The following SULF2 variants were observed in gnomAD, a reference collection of about 807,000 sequenced individuals.
The protein encoded by SULF2 is extracellular sulfatase Sulf-2.
Under a neutral mutation model 107.7 loss-of-function variants are expected in SULF2, and 52 were observed. The ratio of observed to expected loss-of-function variants is 0.48; its 90% CI spans 0.39 to 0.61. The LOEUF (loss-of-function observed/expected upper bound fraction) is 0.61. Among genes scored for constraint, SULF2 ranks in the 20% least tolerant of loss-of-function variants. SULF2 has a pLI of 0.00. For missense variants in SULF2, 993 were observed against 1,177.3 expected (o/e 0.84, Z 2.29); for synonymous variants, 460 against 464.3 (o/e 0.99, Z 0.12).
At chr20:47,776,910 G>A (rs999732762) in intron 1 of SULF2, among the ~76,000 whole-genome samples, 2 of 152,164 alleles carry the variant, frequency 1.3e-5, no homozygotes, top group Non-Finnish European at 2.9e-5. Flanking sequence ...AGTCACCTTC[G>A]AGCAAACATG....
intron 14 of SULF2, among the ~76,000 whole-genome samples, chr20:47,664,538 A>G: frequency 6.6e-6 from 1 of 152,164 alleles, no homozygotes; most frequent in East Asian, 1.9e-4. Flanking sequence ...TACATGTCAA[A>G]GCCTCAGCAT....
chr20:47,717,712 C>G (rs956652844), intron 3 of SULF2, among the ~76,000 whole-genome samples: 2 of 152,144 alleles, frequency 1.3e-5, no homozygotes, highest in African/African-American at 4.8e-5. Flanking sequence ...TTCCCAGGAC[C>G]CGGGCACTTT....
At chr20:47,704,140 T>C (rs2088654026) in intron 3 of SULF2, among the ~76,000 whole-genome samples, 1 of 152,188 alleles carries the variant, frequency 6.6e-6, no homozygotes, top group Non-Finnish European at 1.5e-5. Flanking sequence ...CTTTTCCACA[T>C]GCACGCTTTA....
At chr20:47,719,164 G>A (rs1237741997) in intron 3 of SULF2, among the ~76,000 whole-genome samples, 1 of 152,138 alleles carries the variant, frequency 6.6e-6, no homozygotes, top group Non-Finnish European at 1.5e-5. Context: ...TCGAAATCAT[G>A]GAAGTTATCA....
Position 47,736,902 on chromosome 20 carries a change from C to T in SULF2, c.216G>A (p.Glu72=), listed in dbSNP as rs1168042860. ...CGTTGATGAAGTGCGCCCCGCCCTGCTCCATGATGCGCCGGGTCTTGTTCA... is the reference window on the plus strand; with the variant it reads ...CGTTGATGAAGTGCGCCCCGCCCTGTTCCATGATGCGCCGGGTCTTGTTCA... ...QVMNKTRRIM[E]QGGAHFINAF... The change falls in exon 3 of 21, where the codon GAG becomes GAA. Residue 72 remains glutamate, a synonymous_variant. Transcript: ENST00000688720. 2 of 1,614,232 alleles carry T rather than the reference C, an allele frequency of 1.2e-6. No homozygotes were observed. Among genetic ancestry groups the T allele is most frequent in the Non-Finnish European group, 8.5e-7 (1 of 1,180,036 alleles).
chr20:47,713,379 A>T (rs1568847867), intron 3 of SULF2, among the ~76,000 whole-genome samples: 1 of 152,130 alleles, frequency 6.6e-6, no homozygotes. Context: ...AAGTGTCACC[A>T]GTGCCGAGGT....
rs555955805 is a variant in SULF2 at position 47,746,347 on chromosome 20, CTA to C, written c.176-9407_176-9406del. On this transcript the variant is annotated intron_variant, in intron 2 of 20. Transcript: ENST00000688720. ...CTGGACAGGTGGGGGATGAAGAGGGCTATGAGGTCGAGCCACAGGCGGGAAAG... is the reference window on the plus strand; with the variant it reads ...CTGGACAGGTGGGGGATGAAGAGGGCTGAGGTCGAGCCACAGGCGGGAAAG... Among the ~76,000 whole-genome samples, 68 of 152,310 alleles carry C rather than the reference CTA, an allele frequency of 4.5e-4. 2 individuals carry two copies. In the East Asian group the frequency reaches 7.3e-3, roughly 16 times the overall value.
rs150289938 is a variant in SULF2 at position 47,666,226 on chromosome 20, C to G, written c.1805+34G>C. Reference sequence around the variant, plus strand: ...AGCCCTTTGCCGAGGTCTGTCCTGTCCCCTTCACCCTCGACTTCCACCTGG... The same window carrying G: ...AGCCCTTTGCCGAGGTCTGTCCTGTGCCCTTCACCCTCGACTTCCACCTGG... On this transcript the variant is annotated intron_variant, in intron 12 of 20. Transcript: ENST00000688720. The surrounding 1 kb of genome is among the most constrained non-coding windows in gnomAD (Gnocchi z 5.4). 9.8e-4 allele frequency: 1,572 copies of G among 1,608,784 alleles called. 29 individuals carry two copies. The African/African-American group carries it at 0.019, about 20-fold the overall frequency.
At chr20:47,681,888 T>C (rs1441823589) in intron 7 of SULF2, among the ~76,000 whole-genome samples, 1 of 152,172 alleles carries the variant, frequency 6.6e-6, no homozygotes, top group East Asian at 1.9e-4. Context: ...TTTCACCATG[T>C]TGGCCAGGCT....
chr20:47,696,403 C>T (rs1330722141), intron 4 of SULF2, among the ~76,000 whole-genome samples: 2 of 8,624 alleles, frequency 2.3e-4, no homozygotes, highest in African/African-American at 9.5e-4. Context: ...CTCCTTACCA[C>T]CCCCCCACCC....
At chr20:47,714,031 C>G (rs960979130) in intron 3 of SULF2, among the ~76,000 whole-genome samples, 2 of 152,154 alleles carry the variant, frequency 1.3e-5, no homozygotes, top group Admixed American at 6.5e-5. Flanking sequence ...AGCGCGGAGC[C>G]GAGCCAATGA....
chr20:47,771,226 C>G (rs2090624772), intron 1 of SULF2, among the ~76,000 whole-genome samples: 1 of 152,124 alleles, frequency 6.6e-6, no homozygotes, highest in African/African-American at 2.4e-5. Context: ...TCGGAAAGTC[C>G]TGGGTGGGCA....
At chr20:47,747,275 G>A (rs1275151741) in intron 2 of SULF2, among the ~76,000 whole-genome samples, 2 of 152,054 alleles carry the variant, frequency 1.3e-5, no homozygotes, top group East Asian at 1.9e-4. Context: ...GCTCCAAATC[G>A]GTTCCTAAAC....
intron 1 of SULF2, among the ~76,000 whole-genome samples, chr20:47,779,004 C>T (rs2090774195): frequency 6.6e-6 from 1 of 152,192 alleles, no homozygotes; most frequent in Non-Finnish European, 1.5e-5. Context: ...AGCTTTCAGA[C>T]ATCCAGGTGG....
At chr20:47,675,802 G>C (rs1295542494) in intron 10 of SULF2, among the ~76,000 whole-genome samples, 1 of 139,344 alleles carries the variant, frequency 7.2e-6, no homozygotes, top group Non-Finnish European at 1.5e-5. Flanking sequence ...CCTCAGAAAA[G>C]CCTCCTTCAG....
chr20:47,773,302 T>C (rs2090665890), intron 1 of SULF2, among the ~76,000 whole-genome samples: 1 of 152,152 alleles, frequency 6.6e-6, no homozygotes, highest in African/African-American at 2.4e-5. Context: ...TGTCAGGTGA[T>C]AGGATGGACA....
chr20:47,716,961 GA>G (rs1452478091), intron 3 of SULF2, among the ~76,000 whole-genome samples: 1 of 152,130 alleles, frequency 6.6e-6, no homozygotes, highest in East Asian at 1.9e-4. Flanking sequence ...AATGAGCTGT[GA>G]TTGTGCCACT....
intron 8 of SULF2, among the ~76,000 whole-genome samples, chr20:47,677,689 C>T (rs1028433735): frequency 2.0e-5 from 3 of 152,212 alleles, no homozygotes; most frequent in Non-Finnish European, 4.4e-5. Context: ...CATCCAGTGC[C>T]ACCTGGTCAT....
intron 6 of SULF2, among the ~76,000 whole-genome samples, chr20:47,683,547 A>G (rs1182295520): frequency 6.6e-6 from 1 of 152,206 alleles, no homozygotes; most frequent in African/African-American, 2.4e-5. Context: ...AATGAGTGAA[A>G]CTTGGGCTGC....
Sources: gnomAD v4.1 joint callset for allele counts (sites outside exome capture counted in the v4.1 genomes callset) on GRCh38, gnomAD v4.1.1 for gene constraint, Gnocchi (gnomAD v3.1) non-coding constraint, MANE v1.5 for transcripts, NCBI Gene and HGNC (gene_info 2026-07-23, HGNC 2026-07-21) for gene names.